The following PTPRC variants were observed in gnomAD, a reference collection of about 807,000 sequenced individuals.
PTPRC encodes the protein receptor-type tyrosine-protein phosphatase C.
Under a neutral mutation model 155.9 loss-of-function variants are expected in PTPRC, and 44 were observed. That is an observed-to-expected ratio of 0.28 (90% CI 0.22 to 0.36). The LOEUF is 0.36. Among genes scored for constraint, PTPRC ranks in the 10% least tolerant of loss-of-function variants. The pLI, the probability that PTPRC is intolerant of heterozygous loss-of-function variation, is 1.00. For synonymous variants in PTPRC, 525 were observed against 533.1 expected, an observed-to-expected ratio of 0.98 and a Z score of 0.21; for missense variants, 1,401 against 1,564.6, an observed-to-expected ratio of 0.90 and a Z score of 1.76.
At position 198,731,628 on chromosome 1, in the gene PTPRC, C is replaced by A. The variant is rs773256126; in HGVS notation, c.1876C>A (p.Gln626Lys). 2 of 1,607,232 alleles carry A rather than the reference C, an allele frequency of 1.2e-6. No individual in the cohort carries two copies. Among genetic ancestry groups the A allele is most frequent in the East Asian group, 4.5e-5 (2 of 44,686 alleles). Residue 626 changes from glutamine to lysine, a missense_variant, in exon 18 of 33, where the codon CAA (glutamine) becomes AAA (lysine). This residue lies in a region of PTPRC where 867 missense variants were observed against 970.4 expected (regional missense o/e 0.89). Coordinates refer to ENST00000442510, the MANE Select transcript of PTPRC (RefSeq NM_002838.5). ...QELVERDDEK[Q>K]LMNVEPIHAD... ...TAATATGTTTCCAGATGATGAAAAA[C>A]AACTGATGAATGTGGAGCCAATCCA...
chr1:198,691,074 A>T (rs1211299395), intron 2 of PTPRC, among the ~76,000 whole-genome samples: 2 of 152,026 alleles, frequency 1.3e-5, no homozygotes, highest in African/African-American at 2.4e-5. Flanking sequence ...GGAAAATTTG[A>T]TTACCTATGC....
chr1:198,650,811 C>T (rs1248021026), intron 2 of PTPRC, among the ~76,000 whole-genome samples: 1 of 151,494 alleles, frequency 6.6e-6, no homozygotes, highest in South Asian at 2.1e-4. Context: ...GGAAGAGACA[C>T]AAGGAGGAGC....
intron 2 of PTPRC, among the ~76,000 whole-genome samples, chr1:198,655,036 A>G (rs1663480008): frequency 6.6e-6 from 1 of 152,004 alleles, no homozygotes; most frequent in African/African-American, 2.4e-5. Context: ...TACAATCAAA[A>G]TAAGTTAATT....
At chr1:198,650,683 C>T (rs1663198337) in intron 2 of PTPRC, among the ~76,000 whole-genome samples, 1 of 151,750 alleles carries the variant, frequency 6.6e-6, no homozygotes, top group Non-Finnish European at 1.5e-5. Context: ...GAGACATAAA[C>T]ATAGGAGTCA....
Position 198,713,974 on chromosome 1 carries a change from G to A in PTPRC, c.1291+902G>A, listed in dbSNP as rs77049520. On this transcript the variant is annotated intron_variant, in intron 12 of 32. Coordinates refer to ENST00000442510, the MANE Select transcript of PTPRC (RefSeq NM_002838.5). ...AGGTCTTAATAATCAGACTACTAAA[G>A]CAAAGTTAAATATGCATGTAGTTTT... is the stretch of plus-strand genomic sequence containing the variant. 4.0e-3 allele frequency among the ~76,000 whole-genome samples: 604 copies of A among 152,242 alleles called. 6 individuals are homozygous for A. Among genetic ancestry groups the A allele is most frequent in the African/African-American group, 0.013 (540 of 41,540 alleles).
In PTPRC at chr1:198,756,147, G is replaced by T. The variant is rs1375227722; in HGVS notation, c.3887G>T (p.Gly1296Val). 6 of 1,613,148 alleles carry T rather than the reference G, an allele frequency of 3.7e-6. No individual in the cohort carries two copies. The highest frequency in any genetic ancestry group is 4.2e-6 in the Non-Finnish European group (5 of 1,179,602). ...GTEGPEHSVN[G>V]PASPALNQGS ...GAGGGGCCAGAACATTCTGTCAATG[G>T]TCCTGCAAGTCCAGCTTTAAATCAA... The change falls in exon 33 of 33, where the codon GGT (glycine) becomes GTT (valine). Residue 1296 changes from glycine to valine, a missense_variant. Coordinates refer to ENST00000442510, the MANE Select transcript of PTPRC (RefSeq NM_002838.5).
intron 23 of PTPRC, among the ~76,000 whole-genome samples, chr1:198,738,599 C>A (rs946823399): frequency 5.2e-4 from 79 of 151,642 alleles, no homozygotes; most frequent in African/African-American, 1.7e-3. Flanking sequence ...GGATATTGAC[C>A]GGTAGTTTTC....
Position 198,754,362 on chromosome 1 carries a change from A to G in PTPRC, c.3603A>G (p.Val1201=). 4 of 1,613,448 alleles carry G rather than the reference A, an allele frequency of 2.5e-6. No homozygotes were observed. The highest frequency in any genetic ancestry group is 1.1e-5 in the South Asian group (1 of 91,068). The change falls in exon 32 of 33, where the codon GTA becomes GTG. Residue 1201 remains valine, a synonymous_variant. Transcript: ENST00000442510. ...AGGTAGTGGATATTTTTCAAGTGGT[A>G]AAAGCTCTACGCAAAGCTAGGCCAG... ...TEEVVDIFQV[V]KALRKARPGM...
chr1:198,709,965 C>T, intron 11 of PTPRC, 141 bp downstream of exon 11: 1 of 1,143,606 alleles, frequency 8.7e-7, no homozygotes, highest in Non-Finnish European at 1.2e-6. Flanking sequence ...CAATGAAGCG[C>T]AATTTATCTA....
At chr1:198,745,826 C>T (rs1222415862) in intron 26 of PTPRC, among the ~76,000 whole-genome samples, 1 of 151,552 alleles carries the variant, frequency 6.6e-6, no homozygotes, top group Admixed American at 6.6e-5. Flanking sequence ...GCAAATTGGC[C>T]ACATGAGGGA....
intron 2 of PTPRC, among the ~76,000 whole-genome samples, chr1:198,662,483 T>A (rs1486958208): frequency 6.9e-6 from 1 of 144,306 alleles, no homozygotes; most frequent in African/African-American, 2.5e-5. Flanking sequence ...TGTGTGAGAG[T>A]GTGTGTGTAT....
At chr1:198,725,722 GTTGTTGTTGTTA>G (rs983206049) in intron 15 of PTPRC, among the ~76,000 whole-genome samples, 1 of 152,120 alleles carries the variant, frequency 6.6e-6, no homozygotes, top group Admixed American at 6.5e-5. Context: ...TGTTATTGTT[GTTGTTGTTGTTA>G]TTGTTTTTGT....
intron 23 of PTPRC, among the ~76,000 whole-genome samples, chr1:198,740,895 A>G (rs1169631451): frequency 1.3e-5 from 2 of 151,866 alleles, no homozygotes; most frequent in African/African-American, 4.8e-5. Context: ...GGCTTTTAGT[A>G]ATCTAAATTT....
chr1:198,681,825 T>A (rs1281731034), intron 2 of PTPRC, among the ~76,000 whole-genome samples: 1 of 152,214 alleles, frequency 6.6e-6, no homozygotes. Context: ...TGAAATACAT[T>A]TTTATTGAAG....
rs550474938 is a variant in PTPRC at position 198,747,265 on chromosome 1, A to C, written c.2848-844A>C. The stretch of plus-strand genomic sequence containing the variant: ...GGTAGTTCAAGCAAGAAAAAAAAAA[A>C]AAAGTGTTTATGTGCCAAGAGTTGA... On this transcript the variant is annotated intron_variant, in intron 26 of 32. Transcript: ENST00000442510. 2.5e-4 allele frequency among the ~76,000 whole-genome samples: 38 copies of C among 151,824 alleles called. 1 individual carries two copies. Among genetic ancestry groups the C allele is most frequent in the Admixed American group, 1.9e-3 (29 of 15,196 alleles).
At chr1:198,742,138 C>T in intron 24 of PTPRC, 94 bp from the exon 25 acceptor site, 1 of 1,602,088 alleles carries the variant, frequency 6.2e-7, no homozygotes, top group Non-Finnish European at 8.5e-7. Flanking sequence ...TTTTGGGAAA[C>T]AACCTATGGG....
At chr1:198,746,354 T>C (rs1453127984) in intron 26 of PTPRC, among the ~76,000 whole-genome samples, 2 of 151,760 alleles carry the variant, frequency 1.3e-5, no homozygotes, top group Non-Finnish European at 2.9e-5. Flanking sequence ...CACGTATCTT[T>C]TCTTGAAGCT....
intron 8 of PTPRC, among the ~76,000 whole-genome samples, chr1:198,706,008 C>T (rs917010312): frequency 6.6e-6 from 1 of 152,194 alleles, no homozygotes; most frequent in African/African-American, 2.4e-5. Context: ...TCTGCCTCCA[C>T]ACTGGATTAT....
chr1:198,662,955 A>C (rs1018894764), intron 2 of PTPRC, among the ~76,000 whole-genome samples: 1 of 152,106 alleles, frequency 6.6e-6, no homozygotes, highest in Non-Finnish European at 1.5e-5. Flanking sequence ...TGACCATTGT[A>C]CACATGTGGG....
Sources: allele counts gnomAD v4.1 joint callset (sites outside exome capture counted in the v4.1 genomes callset), GRCh38; gene constraint gnomAD v4.1.1; regional missense constraint gnomAD v4.1.1; transcripts MANE v1.5; gene names NCBI Gene and HGNC (gene_info 2026-07-23, HGNC 2026-07-21).